SORL1: variants seen among roughly 807,000 people sequenced by gnomAD.
SORL1 encodes the protein sortilin-related receptor.
A neutral mutation model predicts 273.7 loss-of-function variants in SORL1; 127 were observed. The ratio of observed to expected loss-of-function variants is 0.46; its 90% CI spans 0.40 to 0.54. The LOEUF (loss-of-function observed/expected upper bound fraction) is 0.54. Ranked by LOEUF, SORL1 falls within the 20% of genes least tolerant of loss-of-function variation. The probability of loss-of-function intolerance (pLI) is 0.00; values close to 1 mark genes in which losing one functional copy is unlikely to be tolerated. For missense variants in SORL1, 2,494 were observed against 2,846.1 expected (o/e 0.88, Z 2.81); for synonymous variants, 1,031 against 1,067.4 (o/e 0.97, Z 0.66).
At chr11:121,593,467 C>T (rs1296782254) in intron 31 of SORL1, among the ~76,000 whole-genome samples, 7 of 152,336 alleles carry the variant, frequency 4.6e-5, no homozygotes, top group South Asian at 2.1e-4. Flanking sequence ...CTTCTAACAA[C>T]GTGGATTCTC....
intron 21 of SORL1, among the ~76,000 whole-genome samples, chr11:121,565,108 T>A (rs1862736306): frequency 6.6e-6 from 1 of 152,250 alleles, no homozygotes; most frequent in Admixed American, 6.5e-5. Flanking sequence ...AAGGGATGTC[T>A]GGGACTTCTG....
At chr11:121,498,348 G>A (rs1010642863) in intron 6 of SORL1, among the ~76,000 whole-genome samples, 3 of 152,194 alleles carry the variant, frequency 2.0e-5, no homozygotes, top group Non-Finnish European at 2.9e-5. Flanking sequence ...GGACAGTCTT[G>A]AGTTTTCAGT....
chr11:121,540,467 A>G (rs560583704), intron 12 of SORL1, among the ~76,000 whole-genome samples: 1 of 146,270 alleles, frequency 6.8e-6, no homozygotes, highest in Non-Finnish European at 1.5e-5. Flanking sequence ...ATTTGATGTC[A>G]GGAGTTTGAG....
intron 19 of SORL1, among the ~76,000 whole-genome samples, chr11:121,557,878 A>T (rs974626191): frequency 2.0e-5 from 3 of 152,238 alleles, no homozygotes; most frequent in African/African-American, 7.2e-5. Flanking sequence ...ATTAAGAGGG[A>T]AATTCTGGAT....
intron 4 of SORL1, among the ~76,000 whole-genome samples, 188 bp from the exon 5 acceptor site, chr11:121,489,855 G>T (rs1861526608): frequency 6.6e-6 from 1 of 152,216 alleles, no homozygotes; most frequent in Non-Finnish European, 1.5e-5. Flanking sequence ...GAACACATAG[G>T]TACACAGTTG....
chr11:121,606,468 T>G (rs957458794), intron 35 of SORL1, among the ~76,000 whole-genome samples: 4 of 152,204 alleles, frequency 2.6e-5, no homozygotes, highest in Non-Finnish European at 5.9e-5. Flanking sequence ...TTGGTAGTCA[T>G]GCCCACAGTA....
intron 10 of SORL1, 87 bp downstream of exon 10, chr11:121,522,790 A>G: frequency 7.4e-7 from 1 of 1,354,174 alleles, no homozygotes; most frequent in South Asian, 1.2e-5. Flanking sequence ...CACCTCCAGC[A>G]GTAACCACGC....
intron 20 of SORL1, 41 bp downstream of exon 20, chr11:121,558,878 G>A (rs1246889557): frequency 4.3e-6 from 7 of 1,610,514 alleles, no homozygotes; most frequent in Non-Finnish European, 5.9e-6. Context: ...GCTAGAGCGG[G>A]TGAGGAGCAT....
In SORL1 at chr11:121,558,586, G is replaced by C. The variant is rs370629536; in HGVS notation, c.2664-5G>C. On this transcript the variant is annotated splice_polypyrimidine_tract_variant and splice_region_variant and intron_variant, in intron 19 of 47. Coordinates refer to ENST00000260197, the MANE Select transcript of SORL1 (RefSeq NM_003105.6). ...AGGTATGTGTTCTGTCCCCATTTTC[G>C]CTAGGGTGATGTTCTGGACAGACTG... 1.2e-6 allele frequency: 2 copies of C among 1,613,980 alleles called. No individual in the cohort carries two copies. Among genetic ancestry groups the C allele is most frequent in the South Asian group, 1.1e-5 (1 of 91,082 alleles).
At position 121,591,079 on chromosome 11, in the gene SORL1, GC is replaced by G. The variant is rs1343336951; in HGVS notation, c.4293del (p.Cys1431TrpfsTer2). ...TACTACCGCTGCAGCAGTGGGACCTGCGTGATGGACACCTGGGTGTGCGACG... is the reference window on the plus strand; with the variant it reads ...TACTACCGCTGCAGCAGTGGGACCTGGTGATGGACACCTGGGTGTGCGACG... ...PNYYRCSSGT[C>X]VMDTWVCDGY... On this transcript the variant is annotated frameshift_variant, in exon 31 of 48. Transcript: ENST00000260197. LOFTEE classifies it high-confidence loss of function. 6.2e-7 allele frequency: 1 copy of G among 1,614,244 alleles called. No homozygotes were observed.
rs1863679696 is a variant in SORL1 at position 121,618,874 on chromosome 11, A to T, written c.5705A>T (p.Asp1902Val). The T allele has an allele frequency of 6.2e-7, 1 of 1,614,138 alleles. No individual in the cohort carries two copies. Among genetic ancestry groups the T allele is most frequent in the East Asian group, 2.2e-5 (1 of 44,886 alleles). ...LHNKTVIVSK[D>V]EQYLFLVRVV... ...AACAAGACGGTCATTGTCAGTAAGG[A>T]TGAGCAGTATTTGTTTCTGGTAAGT... is the stretch of plus-strand genomic sequence containing the variant. The change falls in exon 42 of 48, where the codon GAT becomes GTT. Residue 1902 changes from aspartate to valine, a missense_variant. Asp to Val is a radical substitution (Grantham distance 152, BLOSUM62 -3). This residue lies in a region of SORL1 where 1,609 missense variants were observed against 1,816.4 expected (regional missense o/e 0.89). Coordinates refer to ENST00000260197, the MANE Select transcript of SORL1 (RefSeq NM_003105.6).
intron 24 of SORL1, 52 bp downstream of exon 24, chr11:121,574,415 G>A (rs1862895767): frequency 2.5e-6 from 4 of 1,571,128 alleles, no homozygotes; most frequent in African/African-American, 2.7e-5. Context: ...GGGTCATTGT[G>A]CTCCCTCACA....
rs1189791137 is a variant in SORL1 at position 121,606,937 on chromosome 11, G to A, written c.5041G>A (p.Gly1681Ser). 6.2e-7 allele frequency: 1 copy of A among 1,613,196 alleles called. No homozygotes were observed. The highest frequency in any genetic ancestry group is 8.5e-7 in the Non-Finnish European group (1 of 1,179,152). The change falls in exon 36 of 48, where the codon GGC (glycine) becomes AGC (serine). Residue 1681 changes from glycine (G) to serine (S), a missense_variant. Gly to Ser is a moderately conservative substitution (Grantham distance 56). Coordinates refer to ENST00000260197, the MANE Select transcript of SORL1 (RefSeq NM_003105.6). ...GHWAPPIHTH[G>S]LIREYIVEYS... is the part of the protein sequence containing the mutation. ...CTGGGCTCCTCCCATCCACACCCAT[G>A]GCCTCATCCGTGAGTACATTGTAAG...
chr11:121,555,385 T>A, intron 18 of SORL1, 67 bp downstream of exon 18: 3 of 1,586,602 alleles, frequency 1.9e-6, no homozygotes, highest in Non-Finnish European at 2.6e-6. Flanking sequence ...TGAGCCACAT[T>A]TGACACAGAG....
chr11:121,551,580 A>G (rs1404492284), intron 16 of SORL1, among the ~76,000 whole-genome samples: 1 of 152,068 alleles, frequency 6.6e-6, no homozygotes, highest in African/African-American at 2.4e-5. Flanking sequence ...TTTCCTGCCC[A>G]TTACCTCTTG....
At chr11:121,529,580 G>GT (rs900803641) in intron 11 of SORL1, among the ~76,000 whole-genome samples, 152 of 148,330 alleles carry the variant, frequency 1.0e-3, no homozygotes, top group African/African-American at 3.1e-3. Context: ...TATTTAAAGT[G>GT]TTTTTTTTTT....
At position 121,629,609 on chromosome 11, in the gene SORL1, G is replaced by A; in HGVS notation, c.*46G>A. On this transcript the variant is annotated 3_prime_UTR_variant, in exon 48 of 48. Coordinates refer to ENST00000260197, the MANE Select transcript of SORL1 (RefSeq NM_003105.6). Reference sequence around the variant, plus strand: ...ACCAAATGGTGTAAATATTTTATTTGATAAAGATAGTTGATGGTTTATTTT... The same window carrying A: ...ACCAAATGGTGTAAATATTTTATTTAATAAAGATAGTTGATGGTTTATTTT... 1.1e-6 allele frequency: 1 copy of A among 930,048 alleles called. No individual in the cohort carries two copies. Among genetic ancestry groups the A allele is most frequent in the South Asian group, 1.3e-5 (1 of 75,106 alleles). 57.6% of individuals were successfully genotyped at this position (930,048 alleles called of 1,614,324 possible). A position where few individuals can be genotyped will look rare whatever the true frequency, so the allele number is the denominator to read the frequency against.
At chr11:121,620,838 A>T (rs1184926271) in intron 43 of SORL1, among the ~76,000 whole-genome samples, 6 of 152,190 alleles carry the variant, frequency 3.9e-5, no homozygotes. Context: ...GGTTAAAAAA[A>T]TTTTAGTTGA....
intron 39 of SORL1, chr11:121,611,400 A>G: frequency 2.6e-6 from 1 of 377,660 alleles, no homozygotes; most frequent in Non-Finnish European, 4.8e-6. Flanking sequence ...TAACCATATA[A>G]TTAAATGGTT....
Sources: allele counts gnomAD v4.1 joint callset (sites outside exome capture counted in the v4.1 genomes callset), GRCh38; gene constraint gnomAD v4.1.1; regional missense constraint gnomAD v4.1.1; transcripts MANE v1.5; gene names NCBI Gene and HGNC (gene_info 2026-07-23, HGNC 2026-07-21).